KAZN: variants seen among roughly 807,000 people sequenced by gnomAD.
KAZN encodes kazrin, periplakin interacting protein, also known as kazrin.
A neutral mutation model predicts 87.4 loss-of-function variants in KAZN; 40 were observed. The ratio of observed to expected loss-of-function variants is 0.46; its 90% CI spans 0.36 to 0.60. The LOEUF is 0.60. KAZN is among the 20% of genes least tolerant of loss of function. The pLI is 0.00. For synonymous variants in KAZN, 466 were observed against 458.3 expected, an observed-to-expected ratio of 1.02 and a Z score of -0.22; for missense variants, 898 against 1,073.9, an observed-to-expected ratio of 0.84 and a Z score of 2.29.
intron 1 of KAZN, among the ~76,000 whole-genome samples, chr1:14,748,868 A>G (rs913438736): frequency 6.6e-6 from 1 of 152,086 alleles, no homozygotes; most frequent in African/African-American, 2.4e-5. Flanking sequence ...TACTGACCTG[A>G]CCCCTTACTT....
intron 1 of KAZN, among the ~76,000 whole-genome samples, chr1:14,798,033 A>G (rs2100722313): frequency 6.6e-6 from 1 of 152,248 alleles, no homozygotes. Flanking sequence ...AGATGAGGAA[A>G]CTGAGGCACA....
intron 2 of KAZN, among the ~76,000 whole-genome samples, chr1:14,229,325 A>C (rs549277743): frequency 1.3e-5 from 2 of 152,340 alleles, no homozygotes; most frequent in South Asian, 4.1e-4. Flanking sequence ...CTGTATTACA[A>C]AAGTGTGTTT....
At chr1:14,712,856 T>C (rs1642560263) in intron 1 of KAZN, among the ~76,000 whole-genome samples, 1 of 152,180 alleles carries the variant, frequency 6.6e-6, no homozygotes, top group South Asian at 2.1e-4. Flanking sequence ...CCCCCCACCT[T>C]TTCCCTGTGC....
rs79699793 is a variant in KAZN at position 14,948,557 on chromosome 1, G to A, written c.227-12127G>A. ...TCATATTTTCATCCCTGAACCACAG[G>A]TGTTGACAGTGGGGGCTCCTGAAAG... On this transcript the variant is annotated intron_variant, in intron 1 of 14. Transcript: ENST00000376030. Among the ~76,000 whole-genome samples, 724 of 152,302 alleles carry A rather than the reference G, an allele frequency of 4.8e-3. 6 individuals carry two copies. Among genetic ancestry groups the A allele is most frequent in the African/African-American group, 0.016 (673 of 41,532 alleles).
chr1:14,214,941 A>G (rs1646929835), intron 2 of KAZN, among the ~76,000 whole-genome samples: 1 of 152,218 alleles, frequency 6.6e-6, no homozygotes, highest in South Asian at 2.1e-4. Context: ...AAGGTGATAA[A>G]TTGTGCTGAG....
intron 1 of KAZN, among the ~76,000 whole-genome samples, chr1:14,700,275 C>T (rs1168562505): frequency 6.6e-6 from 1 of 152,088 alleles, no homozygotes; most frequent in African/African-American, 2.4e-5. Context: ...AGTTTGAGAC[C>T]AGCCTGGTCA....
chr1:13,937,036 C>CT (rs199877939), intron 1 of KAZN, among the ~76,000 whole-genome samples: 4 of 141,340 alleles, frequency 2.8e-5, no homozygotes, highest in Admixed American at 7.7e-5. Flanking sequence ...TTTTTCCCCA[C>CT]TTTTTTTTTC....
intron 1 of KAZN, among the ~76,000 whole-genome samples, chr1:14,161,602 C>G (rs113826696): frequency 6.6e-6 from 1 of 152,164 alleles, no homozygotes; most frequent in Non-Finnish European, 1.5e-5. Context: ...GTCAAATGGA[C>G]ATTTCCACAA....
intron 1 of KAZN, among the ~76,000 whole-genome samples, chr1:14,941,973 G>C (rs1351872575): frequency 2.0e-5 from 3 of 152,212 alleles, no homozygotes; most frequent in Non-Finnish European, 4.4e-5. Context: ...CTCATGGCTT[G>C]GTTGGTGGTC....
At chr1:14,758,737 T>C (rs1644649378) in intron 1 of KAZN, among the ~76,000 whole-genome samples, 1 of 152,134 alleles carries the variant, frequency 6.6e-6, no homozygotes, top group South Asian at 2.1e-4. Flanking sequence ...TCCCAATGCT[T>C]GTGCCTCCAT....
chr1:14,736,590 CG>C (rs34937509), intron 1 of KAZN, among the ~76,000 whole-genome samples: 48,853 of 150,652 alleles, frequency 0.32, 8,456 homozygotes, highest in Middle Eastern at 0.47. Context: ...GGATTACAGG[CG>C]TGAGCCACCA....
intron 2 of KAZN, among the ~76,000 whole-genome samples, chr1:14,259,860 G>A (rs531295477): frequency 8.5e-5 from 13 of 152,220 alleles, no homozygotes; most frequent in African/African-American, 2.6e-4. Context: ...CTTTTGACTG[G>A]GTCCAGGAAA....
exon 1 of KAZN, chr1:13,893,340 GT>G (rs1638910430): frequency 4.3e-6 from 1 of 229,958 alleles, no homozygotes; most frequent in Non-Finnish European, 8.4e-6. Context: ...CGGGGGGCAA[GT>G]TCCAGCCACC....
rs919059963 is a variant in KAZN, at chr1:14,856,980, G to A, written c.227-103704G>A. Among the ~76,000 whole-genome samples the A allele has an allele frequency of 5.3e-5, 8 of 152,118 alleles. 1 individual carries two copies. The highest frequency in any genetic ancestry group is 3.9e-4 in the East Asian group (2 of 5,176). ...CTGCAGAGGATAACAATTTGCACTC[G>A]AACAGGAGAACATGGGCATAAATGC... On this transcript the variant is annotated intron_variant, in intron 1 of 14. Coordinates refer to ENST00000376030, the MANE Select transcript of KAZN (RefSeq NM_201628.3). This position sits in a 1 kb window ranked among gnomAD's most constrained non-coding sequence, Gnocchi z 5.2.
At chr1:14,447,837 A>G (rs188632235) in intron 2 of KAZN, among the ~76,000 whole-genome samples, 269 of 152,314 alleles carry the variant, frequency 1.8e-3, no homozygotes, top group Non-Finnish European at 3.2e-3. Flanking sequence ...CAGCTAAAAA[A>G]GAAAGAAGCT....
intron 1 of KAZN, among the ~76,000 whole-genome samples, chr1:14,633,867 ACTCT>A (rs113095643): frequency 4.0e-5 from 6 of 149,852 alleles, no homozygotes; most frequent in East Asian, 2.0e-4. Context: ...TTGCGCGCGC[ACTCT>A]CTCTCTCTCT....
intron 1 of KAZN, among the ~76,000 whole-genome samples, chr1:14,839,455 T>C (rs1170828746): frequency 1.3e-5 from 2 of 152,164 alleles, no homozygotes; most frequent in Non-Finnish European, 2.9e-5. Context: ...GCATAATAAA[T>C]GAAGCGCACC....
At chr1:14,099,925 C>T (rs1489792574) in intron 1 of KAZN, among the ~76,000 whole-genome samples, 1 of 152,186 alleles carries the variant, frequency 6.6e-6, no homozygotes, top group Admixed American at 6.5e-5. Flanking sequence ...TCCCTTCTTA[C>T]CTTTCTCCTT....
chr1:14,064,090 G>C (rs1275993383), intron 1 of KAZN, among the ~76,000 whole-genome samples: 3 of 152,118 alleles, frequency 2.0e-5, no homozygotes, highest in African/African-American at 7.2e-5. Flanking sequence ...TAATTCTTTT[G>C]TATTTTTAGT....
Sources: allele counts gnomAD v4.1 joint callset (sites outside exome capture counted in the v4.1 genomes callset), GRCh38; gene constraint gnomAD v4.1.1; non-coding constraint Gnocchi (gnomAD v3.1); transcripts MANE v1.5; gene names NCBI Gene and HGNC (gene_info 2026-07-23, HGNC 2026-07-21).